The following CLUAP1 variants were observed in gnomAD, a reference collection of about 807,000 sequenced individuals.
CLUAP1 encodes the protein intraflagellar transport 38.
A neutral mutation model predicts 55.0 loss-of-function variants in CLUAP1; 50 were observed. The ratio of observed to expected loss-of-function variants is 0.91; its 90% CI spans 0.72 to 1.15. The LOEUF is 1.15. Among genes scored for constraint, CLUAP1 ranks in the 50% most tolerant of loss-of-function variants. The pLI, the probability that CLUAP1 is intolerant of heterozygous loss-of-function variation, is 0.00. For missense variants in CLUAP1, 530 were observed against 507.6 expected, an observed-to-expected ratio of 1.04 and a Z score of -0.42; for synonymous variants, 195 against 175.4, an observed-to-expected ratio of 1.11 and a Z score of -0.88.
chr16:3,503,045 G>A (rs191046187), intron 1 of CLUAP1, among the ~76,000 whole-genome samples: 2 of 152,252 alleles, frequency 1.3e-5, no homozygotes, highest in African/African-American at 4.8e-5. Context: ...GCAGTGGTGT[G>A]ATCTTAGCTC....
upstream of CLUAP1, chr16:3,500,915 A>C (rs945245354): frequency 1.3e-6 from 1 of 795,766 alleles, no homozygotes; most frequent in Non-Finnish European, 2.0e-6. Context: ...GTGCGTATGC[A>C]CGTGCCGCCG....
At chr16:3,530,785 T>C (rs1335754120) in intron 10 of CLUAP1, 110 bp downstream of exon 10, 7 of 741,510 alleles carry the variant, frequency 9.4e-6, no homozygotes, top group Admixed American at 2.5e-5. Flanking sequence ...GTGCTGCGAA[T>C]GGCCCCTAGA....
chr16:3,496,493 C>T, upstream of CLUAP1: 1 of 678,968 alleles, frequency 1.5e-6, no homozygotes, highest in Non-Finnish European at 2.6e-6. Context: ...AGGAGGTGCC[C>T]AAACTTAAGG....
chr16:3,530,775 G>A lies in CLUAP1; in HGVS notation c.1036+100G>A, dbSNP rs558813935. ...CTGCTTAGTATTGAGGCCCACAAGC[G>A]TGCTGCGAATGGCCCCTAGAAGCAG... is the stretch of plus-strand genomic sequence containing the variant. On this transcript the variant is annotated intron_variant, in intron 10 of 11. Coordinates refer to ENST00000576634, the MANE Select transcript of CLUAP1 (RefSeq NM_015041.3). 2.3e-4 allele frequency: 196 copies of A among 840,596 alleles called. No homozygotes were observed. In the African/African-American group the frequency reaches 2.5e-3, roughly 11 times the overall value. The allele number at this position is 840,596 out of a possible 1,614,324, so 52.1% of individuals were successfully genotyped here.
intron 7 of CLUAP1, 91 bp downstream of exon 7, chr16:3,520,127 ACTCATGAAG>A: frequency 1.5e-6 from 2 of 1,296,934 alleles, no homozygotes; most frequent in Non-Finnish European, 2.1e-6. Flanking sequence ...AATCTCAGCT[ACTCATGAAG>A]CTGGGGCGGG....
At chr16:3,503,215 G>A (rs1019610381) in intron 1 of CLUAP1, among the ~76,000 whole-genome samples, 1 of 152,168 alleles carries the variant, frequency 6.6e-6, no homozygotes, top group African/African-American at 2.4e-5. Context: ...CCAGGCTGGA[G>A]TGCAGTGACG....
chr16:3,520,065 G>T, intron 7 of CLUAP1, 29 bp downstream of exon 7: 1 of 1,582,092 alleles, frequency 6.3e-7, no homozygotes, highest in African/African-American at 1.4e-5. Context: ...AGAATGAGTA[G>T]AAAGATGTCC....
chr16:3,501,029 G>T lies in CLUAP1; in HGVS notation c.-39G>T. On this transcript the variant is annotated 5_prime_UTR_variant, in exon 1 of 12. Transcript: ENST00000576634. ...GCTGGGCCTGTGATCGCTGAGGGGC[G>T]AGCAGTTGCGACCCTGGGCTCCTGG... 6.3e-7 allele frequency: 1 copy of T among 1,592,668 alleles called. No homozygotes were observed. Among genetic ancestry groups the T allele is most frequent in the Non-Finnish European group, 8.5e-7 (1 of 1,172,218 alleles).
rs1379316684 is a variant in CLUAP1, at chr16:3,527,154, C to T, written c.928+670C>T. ...GTGCCGAGGCAAGAGACCGAGAGCA[C>T]GAGCTGTTCCAGTATAATAAAATAT... On this transcript the variant is annotated intron_variant, in intron 9 of 11. Transcript: ENST00000576634. Among the ~76,000 whole-genome samples the T allele has an allele frequency of 2.6e-5, 4 of 152,044 alleles. No homozygotes were observed. The East Asian group carries it at 5.8e-4, about 22-fold the overall frequency.
chr16:3,497,947 G>A (rs533814032), upstream of CLUAP1, among the ~76,000 whole-genome samples: 9 of 152,168 alleles, frequency 5.9e-5, no homozygotes, highest in South Asian at 1.2e-3. Context: ...GTGAGCCGCC[G>A]TGCCCAGCCA....
rs758338182 is a variant in CLUAP1, at chr16:3,533,060, T to G, written c.1092+219T>G. 1,093 of 1,524,646 alleles carry G rather than the reference T, an allele frequency of 7.2e-4. 2 individuals carry two copies. Among genetic ancestry groups the G allele is most frequent in the Non-Finnish European group, 8.1e-4 (919 of 1,135,840 alleles). The allele number at this position is 1,524,646 out of a possible 1,614,324, so 94.4% of individuals were successfully genotyped here. On this transcript the variant is annotated intron_variant, in intron 11 of 11. Coordinates refer to ENST00000576634, the MANE Select transcript of CLUAP1 (RefSeq NM_015041.3). ...AGTGAATGTGCTTGCTCTGCTTTTT[T>G]TGCCTTCTCACTGTTCTTTCCATTC...
chr16:3,506,484 C>T lies in CLUAP1; in HGVS notation c.219+69C>T, dbSNP rs2074523. 19,761 of 1,190,606 alleles carry T rather than the reference C, an allele frequency of 0.017. 1,037 individuals are homozygous for T. The East Asian group carries it at 0.19, about 11-fold the overall frequency. 73.8% of individuals were successfully genotyped at this position (1,190,606 alleles called of 1,614,324 possible). ...TAGAAAGGATGACTCCTTGTTAGGG[C>T]GACTTTCAAACTGTGTAATTGAGTT... On this transcript the variant is annotated intron_variant, in intron 3 of 11. Transcript: ENST00000576634.
intron 1 of CLUAP1, among the ~76,000 whole-genome samples, chr16:3,502,422 C>T (rs1261968312): frequency 1.3e-5 from 2 of 148,896 alleles, no homozygotes; most frequent in East Asian, 2.0e-4. Context: ...CCACCCTGGC[C>T]GACAGAGTGA....
chr16:3,501,192 G>A, intron 1 of CLUAP1, 103 bp downstream of exon 1: 1 of 1,276,146 alleles, frequency 7.8e-7, no homozygotes, highest in Non-Finnish European at 1.1e-6. Context: ...TTGCGCTGCC[G>A]GAGGCTCCTT....
chr16:3,522,614 G>A (rs554931637), intron 7 of CLUAP1, among the ~76,000 whole-genome samples: 1 of 152,124 alleles, frequency 6.6e-6, no homozygotes, highest in East Asian at 1.9e-4. Context: ...CAAGGTCAGA[G>A]GATCCTCACT....
chr16:3,508,550 CG>C, intron 4 of CLUAP1, 82 bp downstream of exon 4: 1 of 1,273,860 alleles, frequency 7.9e-7, no homozygotes, highest in Non-Finnish European at 1.1e-6. Context: ...GCTACAGCTC[CG>C]CTGCTTTTCT....
At chr16:3,532,378 C>G (rs548470960) in intron 10 of CLUAP1, among the ~76,000 whole-genome samples, 1 of 148,406 alleles carries the variant, frequency 6.7e-6, no homozygotes, top group Non-Finnish European at 1.5e-5. Context: ...TTATCTACCA[C>G]CTGTTAATGT....
upstream of CLUAP1, among the ~76,000 whole-genome samples, chr16:3,500,166 C>T (rs372613248): frequency 6.7e-3 from 1,018 of 152,278 alleles, 7 homozygotes; most frequent in African/African-American, 0.022. Context: ...GCTAGGGCTG[C>T]CGGGACCCGC....
At chr16:3,512,999 T>C (rs2037661879) in intron 5 of CLUAP1, among the ~76,000 whole-genome samples, 1 of 152,182 alleles carries the variant, frequency 6.6e-6, no homozygotes, top group African/African-American at 2.4e-5. Flanking sequence ...CTTTAACTTC[T>C]TGTTTAGGAG....
Sources: gnomAD v4.1 joint callset for allele counts (sites outside exome capture counted in the v4.1 genomes callset) on GRCh38, gnomAD v4.1.1 for gene constraint, MANE v1.5 for transcripts, NCBI Gene and HGNC (gene_info 2026-07-23, HGNC 2026-07-21) for gene names.